Variants in MID1 observed in about 807,000 individuals in gnomAD.
The protein encoded by MID1 is midline 1, also known as E3 ubiquitin-protein ligase Midline-1.
A neutral mutation model predicts 40.4 loss-of-function variants in MID1; 7 were observed. The ratio of observed to expected loss-of-function variants is 0.17; its 90% CI spans 0.10 to 0.33. The LOEUF (loss-of-function observed/expected upper bound fraction) is 0.33, where lower values mean the gene tolerates loss of function less well. Ranked by LOEUF, MID1 falls within the 10% of genes least tolerant of loss-of-function variation. The pLI is 1.00. For synonymous variants in MID1, 229 were observed against 221.2 expected, an observed-to-expected ratio of 1.04 and a Z score of -0.31; for missense variants, 367 against 558.5, an observed-to-expected ratio of 0.66 and a Z score of 3.46.
At chrX:10,549,032 G>A (rs1004024641) in intron 2 of MID1, among the ~76,000 whole-genome samples, 3 of 111,056 alleles carry the variant, frequency 2.7e-5, no homozygotes, top group African/African-American at 6.5e-5. Context: ...GTCTGATCAC[G>A]CTGTCTCATT....
upstream of MID1, among the ~76,000 whole-genome samples, chrX:10,623,267 AGAAAG>A (rs1935957745): frequency 1.9e-5 from 2 of 103,262 alleles, no homozygotes; most frequent in Admixed American, 1.0e-4. Context: ...AAAAAAATAA[AGAAAG>A]GAAAGAAAGA....
intron 1 of MID1, among the ~76,000 whole-genome samples, chrX:10,704,765 CAGAGAG>C (rs1555916259): frequency 3.3e-5 from 3 of 91,642 alleles, no homozygotes; most frequent in Non-Finnish European, 6.3e-5. Flanking sequence ...CACACACACA[CAGAGAG>C]AGAGAGAGAG....
intron 9 of MID1, among the ~76,000 whole-genome samples, chrX:10,454,224 T>C (rs1164918725): frequency 5.4e-5 from 6 of 112,043 alleles, no homozygotes; most frequent in Non-Finnish European, 1.1e-4. Flanking sequence ...ATTCCCAGCC[T>C]ATGATCACTG....
At position 10,792,620 on chromosome X, in the gene MID1, G is replaced by A. The variant is rs1420422819; in HGVS notation, c.-187+40934C>T. On this transcript the variant is annotated intron_variant, in intron 1 of 10. Coordinates refer to the MID1 transcript ENST00000380785. ...AATGAACCTTGAAAACATGCTAAATGGAAGAAGCCAGATGGAAAAAGCCAC... is the reference window on the plus strand; with the variant it reads ...AATGAACCTTGAAAACATGCTAAATAGAAGAAGCCAGATGGAAAAAGCCAC... 3.6e-5 allele frequency among the ~76,000 whole-genome samples: 4 copies of A among 111,889 alleles called. No homozygotes were observed. The East Asian group carries it at 1.1e-3, about 31-fold the overall frequency.
chrX:10,627,246 A>G (rs1469747706), intron 1 of MID1, among the ~76,000 whole-genome samples: 1 of 112,081 alleles, frequency 8.9e-6, no homozygotes, highest in Non-Finnish European at 1.9e-5. Flanking sequence ...GTCGTGGTAG[A>G]GCTTCAGAGA....
intron 1 of MID1, among the ~76,000 whole-genome samples, chrX:10,588,653 C>T (rs1192492869): frequency 9.1e-6 from 1 of 109,656 alleles, no homozygotes; most frequent in Non-Finnish European, 1.9e-5. Flanking sequence ...TTCCTTTTGC[C>T]TCTGTTTCTT....
At chrX:10,525,750 G>C (rs984284752) in intron 2 of MID1, among the ~76,000 whole-genome samples, 1 of 112,358 alleles carries the variant, frequency 8.9e-6, no homozygotes, top group African/African-American at 3.2e-5. Flanking sequence ...TGAGAGTTCT[G>C]TGTCTGGCTT....
intron 1 of MID1, among the ~76,000 whole-genome samples, chrX:10,764,779 C>G (rs1569164750): frequency 8.9e-6 from 1 of 111,774 alleles, no homozygotes; most frequent in Non-Finnish European, 1.9e-5. Flanking sequence ...ATGTGGCACC[C>G]ATGTAATGGT....
rs1253834664 is a variant in MID1, at chrX:10,693,279, C to T, written c.-186-72860G>A. Among the ~76,000 whole-genome samples, 4 of 104,615 alleles carry T rather than the reference C, an allele frequency of 3.8e-5. No individual in the cohort carries two copies. In the Admixed American group the frequency reaches 4.2e-4, roughly 11 times the overall value. 90.8% of individuals were successfully genotyped at this position (104,615 alleles called of 115,157 possible). A position where few individuals can be genotyped will look rare whatever the true frequency, so the allele number is the denominator to read the frequency against. On this transcript the variant is annotated intron_variant, in intron 1 of 10. Coordinates refer to the MID1 transcript ENST00000380785. ...GTATGATCATGGCTCACTGCAGCCT[C>T]GACCTCTTGGGCTCAAGTGATCCTC...
chrX:10,656,377 G>T (rs1352038667), intron 1 of MID1, among the ~76,000 whole-genome samples: 1 of 111,848 alleles, frequency 8.9e-6, no homozygotes, highest in Non-Finnish European at 1.9e-5. Flanking sequence ...CTGTCAGGTT[G>T]GCCCCCTTCC....
At chrX:10,641,258 T>G (rs1171584616) in intron 1 of MID1, among the ~76,000 whole-genome samples, 1 of 110,995 alleles carries the variant, frequency 9.0e-6, no homozygotes, top group Non-Finnish European at 1.9e-5. Flanking sequence ...ATCAACAAAA[T>G]TGATAGACTG....
intron 1 of MID1, among the ~76,000 whole-genome samples, chrX:10,613,724 TATATATATAGAG>T (rs1206493145): frequency 2.0e-4 from 11 of 54,496 alleles, no homozygotes; most frequent in Admixed American, 4.3e-4. Context: ...TATATATATA[TATATATATAGAG>T]AGAGAGAGAG....
intron 2 of MID1, among the ~76,000 whole-genome samples, chrX:10,524,460 T>G (rs761491053): frequency 8.9e-6 from 1 of 112,459 alleles, no homozygotes; most frequent in East Asian, 2.8e-4. Flanking sequence ...GAATTTGTGT[T>G]GGGCTGCATT....
In MID1 at chrX:10,552,854, G is replaced by T. The variant is rs144015977; in HGVS notation, c.660+14034C>A. Among the ~76,000 whole-genome samples, 567 of 112,097 alleles carry T rather than the reference G, an allele frequency of 5.1e-3. 1 individual carries two copies. The highest frequency in any genetic ancestry group is 8.6e-3 in the Non-Finnish European group (460 of 53,187). ...ACCTCTGTTTTACTGATGAGGAATT[G>T]AGGCTTGAAAAGTTAGTTTTGTTTT... is the stretch of plus-strand genomic sequence containing the variant. On this transcript the variant is annotated intron_variant, in intron 2 of 9. Transcript: ENST00000317552.
chrX:10,532,477 C>T (rs770817328), intron 2 of MID1, among the ~76,000 whole-genome samples: 17 of 111,346 alleles, frequency 1.5e-4, no homozygotes, highest in Admixed American at 7.6e-4. Flanking sequence ...TTCAACACTT[C>T]AGTGAGTTAT....
In MID1 at chrX:10,613,655, A is replaced by G. The variant is rs1263080286; in HGVS notation, c.-57+6635T>C. ...CAGAGGATAAGCCAAGCTGCTTACC[A>G]TGTTTTGGGTTGTGTTCTTGCCCAG... On this transcript the variant is annotated intron_variant, in intron 1 of 9. Transcript: ENST00000317552. Among the ~76,000 whole-genome samples, 3 of 90,220 alleles carry G rather than the reference A, an allele frequency of 3.3e-5. No homozygotes were observed. In the East Asian group the frequency reaches 1.1e-3, roughly 33 times the overall value. The allele number at this position is 90,220 out of a possible 115,157, so 78.3% of individuals were successfully genotyped here.
intron 1 of MID1, among the ~76,000 whole-genome samples, chrX:10,719,730 G>C (rs867857749): frequency 9.0e-6 from 1 of 110,788 alleles, no homozygotes; most frequent in African/African-American, 3.3e-5. Flanking sequence ...AAAAGAGCCC[G>C]CATCACCAAG....
chrX:10,524,530 CACCATTCATTCATTTACTTATGTGTTCCT>C (rs374726547), intron 2 of MID1, among the ~76,000 whole-genome samples: 3,010 of 111,510 alleles, frequency 0.027, 124 homozygotes, highest in African/African-American at 0.096. Flanking sequence ...GCTTGATTTA[CACCATTCATTCATTTACTTATGTGTTCCT>C]ACCATTCATT....
chrX:10,730,564 C>CT (rs1188069622), intron 1 of MID1, among the ~76,000 whole-genome samples: 8,447 of 78,076 alleles, frequency 0.11, 754 homozygotes, highest in African/African-American at 0.2. Context: ...TCAGATACAT[C>CT]TTTTTTTTTT....
Sources: allele counts gnomAD v4.1 joint callset (sites outside exome capture counted in the v4.1 genomes callset), GRCh38; gene constraint gnomAD v4.1.1; transcripts MANE v1.5; gene names NCBI Gene and HGNC (gene_info 2026-07-23, HGNC 2026-07-21).